The following TBC1D19 variants were observed in gnomAD, a reference collection of about 807,000 sequenced individuals.
TBC1D19 encodes the protein TBC1 domain family, member 19.
A neutral mutation model predicts 89.0 loss-of-function variants in TBC1D19; 60 were observed. The ratio of observed to expected loss-of-function variants is 0.67; its 90% CI spans 0.55 to 0.84. The LOEUF (loss-of-function observed/expected upper bound fraction) is 0.84. Among genes scored for constraint, TBC1D19 ranks in the 40% least tolerant of loss-of-function variants. TBC1D19 has a pLI of 0.00. For synonymous variants in TBC1D19, 189 were observed against 199.7 expected (o/e 0.95, Z 0.45); for missense variants, 500 against 610.8 (o/e 0.82, Z 1.91).
intron 16 of TBC1D19, among the ~76,000 whole-genome samples, chr4:26,737,963 G>T (rs1272957315): frequency 6.6e-6 from 1 of 151,888 alleles, no homozygotes; most frequent in African/African-American, 2.4e-5. Flanking sequence ...AAGTTTTATT[G>T]TAGGTGTATA....
At chr4:26,734,934 G>GTGTATATATGTATATACATATGTATA (rs1717883544) in intron 15 of TBC1D19, among the ~76,000 whole-genome samples, 2 of 118,056 alleles carry the variant, frequency 1.7e-5, no homozygotes, top group Non-Finnish European at 3.5e-5. Context: ...ACATATATGT[G>GTGTATATATGTATATACATATGTATA]TGTATATATG....
chr4:26,640,094 T>C (rs371856718), intron 6 of TBC1D19, 47 bp from the exon 7 acceptor site: 34 of 1,276,984 alleles, frequency 2.7e-5, no homozygotes, highest in South Asian at 7.5e-5. Context: ...TAATAAGCCT[T>C]CATATATTAT....
At chr4:26,587,885 C>G (rs1031989500) in intron 1 of TBC1D19, among the ~76,000 whole-genome samples, 1 of 151,890 alleles carries the variant, frequency 6.6e-6, no homozygotes, top group African/African-American at 2.4e-5. Flanking sequence ...TTTTATGTTT[C>G]AAGAAGTTGC....
intron 1 of TBC1D19, among the ~76,000 whole-genome samples, chr4:26,594,057 A>G (rs998738607): frequency 3.2e-4 from 49 of 152,344 alleles, no homozygotes; most frequent in African/African-American, 1.1e-3. Flanking sequence ...TTATCGCGGC[A>G]CTATTCACAA....
rs140556408 is a variant in TBC1D19 at position 26,621,652 on chromosome 4, G to A, written c.294+964G>A. On this transcript the variant is annotated intron_variant, in intron 4 of 20. Transcript: ENST00000264866. ...TAAAAAAATCATCAAAAAATTAGAT[G>A]GTGAAAAGAAGCAATATAAATAAAA... 2.0e-5 allele frequency among the ~76,000 whole-genome samples: 3 copies of A among 151,678 alleles called. No homozygotes were observed. The East Asian group carries it at 5.8e-4, about 29-fold the overall frequency.
the TBC1D19 span, among the ~76,000 whole-genome samples, chr4:26,836,179 G>A: frequency 1.3e-5 from 2 of 152,060 alleles, no homozygotes; most frequent in African/African-American, 4.8e-5. Context: ...CTGTCTTAAT[G>A]CTCATCAAGC....
the TBC1D19 span, among the ~76,000 whole-genome samples, chr4:26,780,906 A>G: frequency 6.0e-3 from 917 of 152,292 alleles, 8 homozygotes; most frequent in African/African-American, 0.021. Flanking sequence ...GAGATTTGCC[A>G]TCTATGAGAT....
chr4:26,807,655 G>A, the TBC1D19 span, among the ~76,000 whole-genome samples: 1 of 152,176 alleles, frequency 6.6e-6, no homozygotes, highest in Non-Finnish European at 1.5e-5. Flanking sequence ...GGCATTATCA[G>A]TTTGCCCAGG....
chr4:26,693,732 T>A (rs750839726), intron 13 of TBC1D19, among the ~76,000 whole-genome samples: 21 of 151,732 alleles, frequency 1.4e-4, no homozygotes, highest in Non-Finnish European at 2.1e-4. Flanking sequence ...GATGACAATG[T>A]CTCCTCTAAT....
intron 1 of TBC1D19, among the ~76,000 whole-genome samples, chr4:26,610,121 A>G (rs1209035220): frequency 6.6e-6 from 1 of 152,114 alleles, no homozygotes; most frequent in East Asian, 1.9e-4. Flanking sequence ...TCAAATGAGA[A>G]AGACTTGTCT....
At chr4:26,852,428 A>G in the TBC1D19 span, among the ~76,000 whole-genome samples, 1 of 152,100 alleles carries the variant, frequency 6.6e-6, no homozygotes, top group African/African-American at 2.4e-5. Context: ...GTGGTAGTAC[A>G]TGCCTGTGGT....
At chr4:26,669,248 C>T (rs1401987404) in intron 9 of TBC1D19, among the ~76,000 whole-genome samples, 1 of 151,722 alleles carries the variant, frequency 6.6e-6, no homozygotes, top group Non-Finnish European at 1.5e-5. Flanking sequence ...TACTCAGGAG[C>T]ACTCATAAGA....
chr4:26,718,690 G>T (rs1388057909), intron 14 of TBC1D19, among the ~76,000 whole-genome samples: 3 of 152,036 alleles, frequency 2.0e-5, no homozygotes, highest in Non-Finnish European at 4.4e-5. Context: ...CCTAGGAGAG[G>T]CCACATAACC....
chr4:26,682,129 C>T (rs545251208), intron 11 of TBC1D19, among the ~76,000 whole-genome samples: 1 of 151,984 alleles, frequency 6.6e-6, no homozygotes, highest in Non-Finnish European at 1.5e-5. Context: ...AGAGGCAAAC[C>T]CCTAAACGTA....
the TBC1D19 span, among the ~76,000 whole-genome samples, chr4:26,770,463 CTT>C: frequency 6.6e-6 from 1 of 152,032 alleles, no homozygotes; most frequent in Non-Finnish European, 1.5e-5. Flanking sequence ...TTTCAACAAA[CTT>C]TATCAATTAT....
At chr4:26,851,942 A>T in the TBC1D19 span, among the ~76,000 whole-genome samples, 3 of 152,220 alleles carry the variant, frequency 2.0e-5, no homozygotes, top group South Asian at 6.2e-4. Flanking sequence ...GTCTGGGGAA[A>T]ATGTAAACAA....
the TBC1D19 span, among the ~76,000 whole-genome samples, chr4:26,779,331 G>A: frequency 6.6e-6 from 1 of 152,212 alleles, no homozygotes; most frequent in Non-Finnish European, 1.5e-5. Context: ...GGGAGAAGGG[G>A]TGGAGGTGCT....
chr4:26,627,653 T>C, intron 4 of TBC1D19, among the ~76,000 whole-genome samples: 1 of 151,970 alleles, frequency 6.6e-6, no homozygotes, highest in Admixed American at 6.6e-5. Context: ...ATGGTGAGCA[T>C]TTTTTCATGT....
intron 6 of TBC1D19, among the ~76,000 whole-genome samples, chr4:26,639,095 C>T (rs901332799): frequency 6.6e-6 from 1 of 152,152 alleles, no homozygotes; most frequent in Non-Finnish European, 1.5e-5. Context: ...GTTACCTGTG[C>T]TGGAGTACAG....
Sources: gnomAD v4.1 joint callset for allele counts (sites outside exome capture counted in the v4.1 genomes callset) on GRCh38, gnomAD v4.1.1 for gene constraint, MANE v1.5 for transcripts, NCBI Gene and HGNC (gene_info 2026-07-23, HGNC 2026-07-21) for gene names.